Variants in PRKG2 observed in about 807,000 individuals in gnomAD.
PRKG2 encodes the protein cGMP-dependent protein kinase 2.
A neutral mutation model predicts 97.2 loss-of-function variants in PRKG2; 33 were observed. The observed-to-expected ratio is 0.34, with a 90% CI of 0.26 to 0.45. The LOEUF (loss-of-function observed/expected upper bound fraction) is 0.45, where lower values mean the gene tolerates loss of function less well. Ranked by LOEUF, PRKG2 falls within the 20% of genes least tolerant of loss-of-function variation. PRKG2 has a pLI of 1.00. For synonymous variants in PRKG2, 330 were observed against 321.8 expected (o/e 1.03, Z -0.27); for missense variants, 638 against 900.0 (o/e 0.71, Z 3.73).
chr4:81,214,113 G>A (rs1754147027), intron 1 of PRKG2, among the ~76,000 whole-genome samples: 1 of 150,436 alleles, frequency 6.6e-6, no homozygotes, highest in South Asian at 2.1e-4. Flanking sequence ...AAATATGGGG[G>A]TGTGGTGGGG....
At chr4:81,194,090 A>G (rs886137305) in intron 2 of PRKG2, among the ~76,000 whole-genome samples, 2 of 152,158 alleles carry the variant, frequency 1.3e-5, no homozygotes, top group African/African-American at 2.4e-5. Flanking sequence ...TTTCCTTTGC[A>G]TGCCTATCTC....
chr4:81,207,835 A>G (rs1753761930), intron 1 of PRKG2, among the ~76,000 whole-genome samples: 1 of 152,206 alleles, frequency 6.6e-6, no homozygotes, highest in Non-Finnish European at 1.5e-5. Flanking sequence ...TCATCCATTT[A>G]AATATTGCTG....
At chr4:81,187,274 A>C (rs957777824) in intron 2 of PRKG2, among the ~76,000 whole-genome samples, 5 of 152,332 alleles carry the variant, frequency 3.3e-5, no homozygotes, top group African/African-American at 9.6e-5. Context: ...AAGCTTATCC[A>C]CTAGGATAAA....
intron 2 of PRKG2, among the ~76,000 whole-genome samples, chr4:81,189,249 G>A (rs1752245475): frequency 7.9e-6 from 1 of 127,266 alleles, no homozygotes; most frequent in South Asian, 2.4e-4. Flanking sequence ...CATTTAAAAT[G>A]TCGTTTCTGT....
intron 17 of PRKG2, among the ~76,000 whole-genome samples, chr4:81,096,459 C>A (rs1378514782): frequency 6.6e-6 from 1 of 152,022 alleles, no homozygotes; most frequent in Non-Finnish European, 1.5e-5. Context: ...TCACTTGAGC[C>A]CAGGAATTCA....
At chr4:81,217,195 T>G (rs1754311481), upstream of PRKG2, among the ~76,000 whole-genome samples, 1 of 151,770 alleles carries the variant, frequency 6.6e-6, no homozygotes. Context: ...TTTTAAACAA[T>G]GGGTTGCTAA....
intron 6 of PRKG2, among the ~76,000 whole-genome samples, chr4:81,163,406 A>G (rs914227454): frequency 6.6e-6 from 1 of 152,166 alleles, no homozygotes; most frequent in Admixed American, 6.5e-5. Context: ...CTGCAGAGCA[A>G]TGGTTTTCAA....
At chr4:81,157,489 T>A (rs1162281175) in intron 6 of PRKG2, among the ~76,000 whole-genome samples, 1 of 152,182 alleles carries the variant, frequency 6.6e-6, no homozygotes, top group African/African-American at 2.4e-5. Flanking sequence ...ACAGCCGAAT[T>A]CTACCAGAGG....
rs551410223 is a variant in PRKG2, at chr4:81,127,962, T to C, written c.1776+7193A>G. Among the ~76,000 whole-genome samples the C allele has an allele frequency of 1.1e-3, 174 of 152,288 alleles. 1 individual carries two copies. The highest frequency in any genetic ancestry group is 2.1e-3 in the Non-Finnish European group (146 of 68,026). On this transcript the variant is annotated intron_variant, in intron 14 of 18. Coordinates refer to ENST00000264399, the MANE Select transcript of PRKG2 (RefSeq NM_006259.3). ...TGTCCATTCAGTATGATATAGGCTGTGGGTTTGTCATAAATAGCTGTTATT... is the reference window on the plus strand; with the variant it reads ...TGTCCATTCAGTATGATATAGGCTGCGGGTTTGTCATAAATAGCTGTTATT...
chr4:81,187,604 G>T (rs996287688), intron 2 of PRKG2, among the ~76,000 whole-genome samples: 3 of 152,114 alleles, frequency 2.0e-5, no homozygotes, highest in Admixed American at 2.0e-4. Context: ...AGTATTGGAA[G>T]TTCTGGCCAG....
intron 16 of PRKG2, among the ~76,000 whole-genome samples, 160 bp downstream of exon 16, chr4:81,105,653 C>T (rs1428144929): frequency 6.6e-6 from 1 of 152,026 alleles, no homozygotes; most frequent in Non-Finnish European, 1.5e-5. Context: ...ACTAAAACCC[C>T]CTACACTGCA....
chr4:81,116,322 A>G (rs1744515473), intron 14 of PRKG2, among the ~76,000 whole-genome samples: 1 of 152,144 alleles, frequency 6.6e-6, no homozygotes, highest in Admixed American at 6.6e-5. Flanking sequence ...CTCTTAGAAT[A>G]ATGCCCTCCA....
intron 2 of PRKG2, among the ~76,000 whole-genome samples, chr4:81,179,276 C>T (rs181980958): frequency 4.1e-5 from 6 of 145,110 alleles, no homozygotes; most frequent in Non-Finnish European, 7.4e-5. Context: ...TGCTGAAAAA[C>T]CAAATACAAT....
chr4:81,099,614 T>C (rs1742503240), intron 17 of PRKG2, among the ~76,000 whole-genome samples: 1 of 152,120 alleles, frequency 6.6e-6, no homozygotes, highest in Admixed American at 6.6e-5. Flanking sequence ...TCATACTGAA[T>C]GGGCAAAAAC....
chr4:81,106,027 T>C, intron 15 of PRKG2, 92 bp from the exon 16 acceptor site: 2 of 1,400,752 alleles, frequency 1.4e-6, no homozygotes, highest in Non-Finnish European at 9.7e-7. Context: ...TTTCCTTCCC[T>C]CCCTTCTTTC....
intron 17 of PRKG2, among the ~76,000 whole-genome samples, chr4:81,102,988 A>T (rs1742951658): frequency 6.6e-6 from 1 of 152,204 alleles, no homozygotes. Context: ...AAAAGTCTCA[A>T]ATGTATTTTG....
chr4:81,117,041 G>T, intron 14 of PRKG2, among the ~76,000 whole-genome samples: 1 of 134,174 alleles, frequency 7.5e-6, no homozygotes, highest in South Asian at 2.5e-4. Context: ...CACCCAGGCT[G>T]GAGTGCAGTG....
At chr4:81,202,591 T>C (rs1015009495) in intron 2 of PRKG2, among the ~76,000 whole-genome samples, 1 of 152,164 alleles carries the variant, frequency 6.6e-6, no homozygotes, top group African/African-American at 2.4e-5. Flanking sequence ...CACAGACTTG[T>C]ATCCACTTGG....
chr4:81,145,484 G>A (rs1285099420), intron 9 of PRKG2, among the ~76,000 whole-genome samples: 4 of 151,954 alleles, frequency 2.6e-5, no homozygotes, highest in African/African-American at 9.7e-5. Context: ...TACTTTAGTA[G>A]TTCTCTGAGG....
Sources: gnomAD v4.1 joint callset for allele counts (sites outside exome capture counted in the v4.1 genomes callset) on GRCh38, gnomAD v4.1.1 for gene constraint, MANE v1.5 for transcripts, NCBI Gene and HGNC (gene_info 2026-07-23, HGNC 2026-07-21) for gene names.